The following NCOA7 variants were observed in gnomAD, a reference collection of about 807,000 sequenced individuals.
NCOA7 encodes the protein 140 kDa estrogen receptor-associated protein.
Under a neutral mutation model 104.3 loss-of-function variants are expected in NCOA7, and 45 were observed. That is an observed-to-expected ratio of 0.43 (90% CI 0.34 to 0.55). The LOEUF is 0.55. Among genes scored for constraint, NCOA7 ranks in the 20% least tolerant of loss-of-function variants. NCOA7 has a pLI of 0.02. For synonymous variants in NCOA7, 398 were observed against 402.3 expected (o/e 0.99, Z 0.13); for missense variants, 1,041 against 1,119.7 (o/e 0.93, Z 1.00).
chr6:125,892,335 C>G (rs890400403), intron 10 of NCOA7, among the ~76,000 whole-genome samples: 12 of 152,092 alleles, frequency 7.9e-5, no homozygotes, highest in Non-Finnish European at 1.5e-4. Flanking sequence ...ATTTTTAACC[C>G]AGAAGAAATC....
rs1376063650 is a variant in NCOA7 at position 125,855,193 on chromosome 6, A to G, written c.224A>G (p.Gln75Arg). ...TDEKKKRKSN[Q>R]LKEIRRTELK... ...GAGAAAAAAAAGAGAAAAAGTAATC[A>G]GTTAAAGGAGATCAGGCGTACAGAA... Residue 75 changes from glutamine (Q) to arginine (R), a missense_variant, in exon 3 of 16, where the codon CAG (glutamine) becomes CGG (arginine). This residue lies in a region of NCOA7 where 914 missense variants were observed against 942.7 expected (regional missense o/e 0.97). Transcript: ENST00000392477. The G allele has an allele frequency of 6.2e-7, 1 of 1,612,718 alleles. No homozygotes were observed. The highest frequency in any genetic ancestry group is 8.5e-7 in the Non-Finnish European group (1 of 1,179,864).
intron 2 of NCOA7, among the ~76,000 whole-genome samples, chr6:125,833,654 G>A: frequency 6.6e-6 from 1 of 152,088 alleles, no homozygotes; most frequent in Non-Finnish European, 1.5e-5. Context: ...GTTTCAATCA[G>A]GGTGGTGGCA....
chr6:125,802,702 A>G (rs1345783909), intron 1 of NCOA7, among the ~76,000 whole-genome samples: 2 of 152,236 alleles, frequency 1.3e-5, no homozygotes, highest in East Asian at 1.9e-4. Flanking sequence ...AAGGAACAAC[A>G]ATCCAGTCTA....
chr6:125,819,406 G>A (rs1374023593), intron 2 of NCOA7, among the ~76,000 whole-genome samples: 1 of 151,884 alleles, frequency 6.6e-6, no homozygotes, highest in Non-Finnish European at 1.5e-5. Flanking sequence ...CTACTAGATA[G>A]AGTAATTCTG....
rs1787509177 is a variant in NCOA7 at position 125,920,850 on chromosome 6, T to G, written c.2245-93T>G. The G allele has an allele frequency of 4.3e-5, 64 of 1,490,518 alleles. No homozygotes were observed. In the South Asian group the frequency reaches 7.1e-4, roughly 17 times the overall value. 92.3% of individuals were successfully genotyped at this position (1,490,518 alleles called of 1,614,324 possible). On this transcript the variant is annotated intron_variant, in intron 11 of 15. Coordinates refer to ENST00000392477, the MANE Select transcript of NCOA7 (RefSeq NM_181782.5). Reference sequence around the variant, plus strand: ...TTTCCTGCTGCCGAAGCGTCACCTTTTCAAGCACGGGTGTCCCTAGAGTGA... The same window carrying G: ...TTTCCTGCTGCCGAAGCGTCACCTTGTCAAGCACGGGTGTCCCTAGAGTGA...
At chr6:125,918,360 G>T (rs1028930426) in intron 11 of NCOA7, among the ~76,000 whole-genome samples, 1 of 152,180 alleles carries the variant, frequency 6.6e-6, no homozygotes, top group Admixed American at 6.5e-5. Context: ...GTGTTGTCTT[G>T]CTGGCATTCT....
chr6:125,814,328 G>A (rs1777377110), intron 1 of NCOA7, among the ~76,000 whole-genome samples: 1 of 152,030 alleles, frequency 6.6e-6, no homozygotes, highest in Non-Finnish European at 1.5e-5. Context: ...CTAATTTTTG[G>A]TATTTTTGGT....
chr6:125,895,465 GA>G (rs947850162), intron 10 of NCOA7, among the ~76,000 whole-genome samples: 4 of 152,080 alleles, frequency 2.6e-5, no homozygotes, highest in Admixed American at 2.0e-4. Context: ...AGGAGATGGG[GA>G]AAAAATCTAT....
At chr6:125,848,093 C>A (rs565834270) in intron 2 of NCOA7, among the ~76,000 whole-genome samples, 47 of 151,850 alleles carry the variant, frequency 3.1e-4, no homozygotes, top group African/African-American at 1.1e-3. Context: ...ATCAAAATCA[C>A]AATGAGATAC....
chr6:125,923,395 G>C (rs1463662127), intron 13 of NCOA7, among the ~76,000 whole-genome samples: 1 of 152,044 alleles, frequency 6.6e-6, no homozygotes, highest in African/African-American at 2.4e-5. Context: ...TGTTACAGTT[G>C]GTCTTTCTTG....
intron 3 of NCOA7, among the ~76,000 whole-genome samples, chr6:125,867,606 T>C (rs1052976973): frequency 6.6e-6 from 1 of 152,190 alleles, no homozygotes; most frequent in Non-Finnish European, 1.5e-5. Context: ...TCCTGGAGTT[T>C]CCATTATGTT....
intron 3 of NCOA7, among the ~76,000 whole-genome samples, chr6:125,858,631 A>G (rs536043960): frequency 6.6e-6 from 1 of 152,146 alleles, no homozygotes; most frequent in East Asian, 1.9e-4. Context: ...GTCTCTGAAA[A>G]AAAAAAAAAG....
chr6:125,919,413 C>A lies in NCOA7; in HGVS notation c.2245-1530C>A, dbSNP rs377266258. Reference sequence around the variant, plus strand: ...AGATTTTCTATTGTGCCAGACCTGACGAAGAGCCTTTTGTGAAGGTATGTT... The same window carrying A: ...AGATTTTCTATTGTGCCAGACCTGAAGAAGAGCCTTTTGTGAAGGTATGTT... On this transcript the variant is annotated intron_variant, in intron 11 of 15. Transcript: ENST00000392477. The A allele has an allele frequency of 8.7e-6, 14 of 1,612,510 alleles. No individual in the cohort carries two copies. In the African/African-American group the frequency reaches 1.6e-4, roughly 18 times the overall value.
chr6:125,837,435 G>A (rs1404102792), intron 2 of NCOA7, among the ~76,000 whole-genome samples: 2 of 152,006 alleles, frequency 1.3e-5, no homozygotes, highest in Non-Finnish European at 2.9e-5. Flanking sequence ...AACATCCAAG[G>A]GGGTAATAAA....
chr6:125,801,237 C>G lies in NCOA7; in HGVS notation c.-65+10170C>G, dbSNP rs532031611. On this transcript the variant is annotated intron_variant, in intron 1 of 15. Transcript: ENST00000392477. ...TTTGATAATCAGGTCAGTTCTTAGT[C>G]CATCTACCCAAATAAGCTGTGCTTG... Among the ~76,000 whole-genome samples, 10 of 152,268 alleles carry G rather than the reference C, an allele frequency of 6.6e-5. No individual in the cohort carries two copies. The South Asian group carries it at 8.3e-4, about 13-fold the overall frequency.
chr6:125,795,367 A>C (rs1405773465), intron 1 of NCOA7, among the ~76,000 whole-genome samples: 1 of 152,152 alleles, frequency 6.6e-6, no homozygotes, highest in Non-Finnish European at 1.5e-5. Flanking sequence ...TAGTATCCTC[A>C]TGGTTCAAAA....
intron 4 of NCOA7, chr6:125,875,551 T>C (rs1210175358): frequency 1.3e-5 from 2 of 152,332 alleles, no homozygotes; most frequent in Non-Finnish European, 2.9e-5. Context: ...GGCTCCATCA[T>C]TCCTACATTT....
chr6:125,874,045 C>G lies in NCOA7; in HGVS notation c.272-844C>G, dbSNP rs1443014305. On this transcript the variant is annotated intron_variant, in intron 3 of 15. Transcript: ENST00000392477. The stretch of plus-strand genomic sequence containing the variant: ...GACCTTTAAAAACAGTGAAATCTGG[C>G]CGGATGTGGTGGCTGACACCTGTAA... Among the ~76,000 whole-genome samples the G allele has an allele frequency of 2.6e-5, 4 of 152,182 alleles. No individual in the cohort carries two copies. The East Asian group carries it at 7.7e-4, about 29-fold the overall frequency.
intron 10 of NCOA7, among the ~76,000 whole-genome samples, chr6:125,911,350 G>A (rs1022903341): frequency 7.2e-5 from 11 of 152,138 alleles, no homozygotes; most frequent in Non-Finnish European, 1.2e-4. Flanking sequence ...CAGCTTTTTC[G>A]CAACATGCCT....
Sources: allele counts gnomAD v4.1 joint callset (sites outside exome capture counted in the v4.1 genomes callset), GRCh38; gene constraint gnomAD v4.1.1; regional missense constraint gnomAD v4.1.1; transcripts MANE v1.5; gene names NCBI Gene and HGNC (gene_info 2026-07-23, HGNC 2026-07-21).